The following ASAP1 variants were observed in gnomAD, a reference collection of about 807,000 sequenced individuals.
ASAP1 encodes arf-GAP with SH3 domain, ANK repeat and PH domain-containing protein 1.
Under a neutral mutation model 145.2 loss-of-function variants are expected in ASAP1, and 43 were observed. That is an observed-to-expected ratio of 0.30 (90% CI 0.23 to 0.38). The LOEUF is 0.38. ASAP1 is among the 10% of genes least tolerant of loss of function. The pLI is 1.00. For missense variants in ASAP1, 1,018 were observed against 1,355.3 expected, an observed-to-expected ratio of 0.75 and a Z score of 3.91; for synonymous variants, 546 against 515.5, an observed-to-expected ratio of 1.06 and a Z score of -0.80.
chr8:130,129,292 T>C (rs899824154), intron 15 of ASAP1, among the ~76,000 whole-genome samples: 9 of 152,208 alleles, frequency 5.9e-5, no homozygotes, highest in Admixed American at 5.9e-4. Context: ...AATAGAATGA[T>C]ATAATCCCAA....
At chr8:130,185,729 CAAAAAA>C (rs778486303) in intron 7 of ASAP1, among the ~76,000 whole-genome samples, 1 of 57,144 alleles carries the variant, frequency 1.7e-5, no homozygotes, top group South Asian at 5.6e-4. Context: ...AACTCCGCCT[CAAAAAA>C]AAAAAAAAAA....
At chr8:130,300,361 A>G (rs1822589166) in intron 3 of ASAP1, among the ~76,000 whole-genome samples, 1 of 152,218 alleles carries the variant, frequency 6.6e-6, no homozygotes, top group Non-Finnish European at 1.5e-5. Flanking sequence ...TCTTCTTTTA[A>G]TAAGAGGATA....
intron 3 of ASAP1, among the ~76,000 whole-genome samples, chr8:130,281,668 C>A (rs1345966417): frequency 6.6e-6 from 1 of 152,052 alleles, no homozygotes; most frequent in African/African-American, 2.4e-5. Flanking sequence ...TGTGGGGAAC[C>A]CAGGAATCAA....
intron 3 of ASAP1, among the ~76,000 whole-genome samples, chr8:130,240,317 C>T (rs1818447512): frequency 6.6e-6 from 1 of 151,824 alleles, no homozygotes; most frequent in Non-Finnish European, 1.5e-5. Flanking sequence ...TTTTTTTAAG[C>T]TTGAGTGTTT....
chr8:130,140,355 TCTTTC>T lies in ASAP1; in HGVS notation c.1081-3322_1081-3318del, dbSNP rs2097607579. ...AGGTCTCAGCTCTCATTTCTTTCTT[TCTTTC>T]TTTTTTTTTTAAAAAAAAACTTTTA... On this transcript the variant is annotated intron_variant, in intron 13 of 29. Coordinates refer to ENST00000518721, the MANE Select transcript of ASAP1 (RefSeq NM_018482.4). 2.0e-5 allele frequency among the ~76,000 whole-genome samples: 3 copies of T among 152,020 alleles called. No homozygotes were observed. The South Asian group carries it at 6.2e-4, about 32-fold the overall frequency.
chr8:130,432,919 G>T (rs970785665), intron 1 of ASAP1, among the ~76,000 whole-genome samples: 9 of 152,176 alleles, frequency 5.9e-5, no homozygotes, highest in African/African-American at 2.2e-4. Flanking sequence ...TCAATGTCCT[G>T]CCAGCAAAAG....
At chr8:130,141,598 C>T (rs894617633) in intron 13 of ASAP1, among the ~76,000 whole-genome samples, 4 of 152,182 alleles carry the variant, frequency 2.6e-5, no homozygotes, top group South Asian at 4.1e-4. Flanking sequence ...TGGCACACAT[C>T]GGGTACTAGC....
chr8:130,139,448 A>C (rs1297805522), intron 13 of ASAP1, among the ~76,000 whole-genome samples: 2 of 152,220 alleles, frequency 1.3e-5, no homozygotes, highest in African/African-American at 4.8e-5. Flanking sequence ...TAAGCTGACC[A>C]GGCGTGGTGT....
chr8:130,270,744 T>G (rs1012139838), intron 3 of ASAP1, among the ~76,000 whole-genome samples: 1 of 152,176 alleles, frequency 6.6e-6, no homozygotes. Context: ...GTCCAACAGG[T>G]AGAAGCTGCT....
chr8:130,124,176 G>A lies in ASAP1; in HGVS notation c.1516-72C>T, dbSNP rs535776183. 82 of 1,085,630 alleles carry A rather than the reference G, an allele frequency of 7.6e-5. No homozygotes were observed. The African/African-American group carries it at 1.3e-3, about 17-fold the overall frequency. The allele number at this position is 1,085,630 out of a possible 1,614,324, so 67.2% of individuals were successfully genotyped here. A position where few individuals can be genotyped will look rare whatever the true frequency, so the allele number is the denominator to read the frequency against. On this transcript the variant is annotated intron_variant, in intron 17 of 29. Transcript: ENST00000518721. ...ACTAGTTAAAAGTCTCCTATTATTT[G>A]TTTTTGAGATTTATGAATATGTATT...
At chr8:130,251,248 T>C (rs1819178553) in intron 3 of ASAP1, among the ~76,000 whole-genome samples, 1 of 152,070 alleles carries the variant, frequency 6.6e-6, no homozygotes, top group South Asian at 2.1e-4. Flanking sequence ...CGAAACCGCA[T>C]TTCTACTAAA....
chr8:130,207,793 T>C (rs1299638001), intron 5 of ASAP1, among the ~76,000 whole-genome samples: 1 of 152,214 alleles, frequency 6.6e-6, no homozygotes, highest in Non-Finnish European at 1.5e-5. Flanking sequence ...TATTCAATCA[T>C]GACAACTAGA....
chr8:130,222,055 C>A (rs921098907), intron 4 of ASAP1, among the ~76,000 whole-genome samples: 1 of 152,176 alleles, frequency 6.6e-6, no homozygotes, highest in Non-Finnish European at 1.5e-5. Context: ...CCTTTTACCC[C>A]GTGGACAGGA....
intron 2 of ASAP1, among the ~76,000 whole-genome samples, chr8:130,359,493 C>T (rs369925856): frequency 6.6e-6 from 1 of 152,152 alleles, no homozygotes; most frequent in Non-Finnish European, 1.5e-5. Context: ...AGGATTGGTA[C>T]CTGTAATTCA....
intron 27 of ASAP1, among the ~76,000 whole-genome samples, chr8:130,073,082 T>G (rs949983658): frequency 6.7e-6 from 1 of 149,978 alleles, no homozygotes; most frequent in South Asian, 2.1e-4. Context: ...AATAGGCTGT[T>G]GTTGGTGAAT....
chr8:130,277,411 T>C (rs1482763201), intron 3 of ASAP1, among the ~76,000 whole-genome samples: 1 of 152,138 alleles, frequency 6.6e-6, no homozygotes, highest in Non-Finnish European at 1.5e-5. Flanking sequence ...GCAGATGAAG[T>C]TGAGAGGAAA....
chr8:130,087,850 G>C (rs917489257), intron 25 of ASAP1, among the ~76,000 whole-genome samples: 4 of 152,188 alleles, frequency 2.6e-5, no homozygotes, highest in African/African-American at 9.7e-5. Flanking sequence ...GGAAATCCTA[G>C]GCACAGTGGG....
intron 9 of ASAP1, among the ~76,000 whole-genome samples, chr8:130,170,993 G>C (rs1813561046): frequency 6.6e-6 from 1 of 152,168 alleles, no homozygotes; most frequent in Admixed American, 6.5e-5. Flanking sequence ...TGAGATTAAA[G>C]GTGTGAGCCA....
intron 24 of ASAP1, among the ~76,000 whole-genome samples, chr8:130,107,828 C>A (rs1321778722): frequency 1.1e-4 from 17 of 152,296 alleles, no homozygotes. Flanking sequence ...GGATTACAGG[C>A]ATGAGACACC....
Sources: gnomAD v4.1 joint callset for allele counts (sites outside exome capture counted in the v4.1 genomes callset) on GRCh38, gnomAD v4.1.1 for gene constraint, MANE v1.5 for transcripts, NCBI Gene and HGNC (gene_info 2026-07-23, HGNC 2026-07-21) for gene names.